ZFYVE9: variants seen among roughly 807,000 people sequenced by gnomAD.
The protein encoded by ZFYVE9 is zinc finger FYVE domain-containing protein 9.
A neutral mutation model predicts 126.7 loss-of-function variants in ZFYVE9; 43 were observed. The ratio of observed to expected loss-of-function variants is 0.34; its 90% confidence interval spans 0.27 to 0.44. ZFYVE9 has a LOEUF of 0.44. Among genes scored for constraint, ZFYVE9 ranks in the 20% least tolerant of loss-of-function variants. The pLI, the probability that ZFYVE9 is intolerant of heterozygous loss-of-function variation, is 1.00. For missense variants in ZFYVE9, 1,476 were observed against 1,697.0 expected, an observed-to-expected ratio of 0.87 and a Z score of 2.29; for synonymous variants, 521 against 597.4, an observed-to-expected ratio of 0.87 and a Z score of 1.87.
chr1:52,289,337 C>G (rs1042281744), intron 10 of ZFYVE9, among the ~76,000 whole-genome samples: 6 of 152,042 alleles, frequency 3.9e-5, no homozygotes, highest in Non-Finnish European at 5.9e-5. Context: ...CAAATAAAAC[C>G]CCAAATTTCA....
At chr1:52,190,868 G>A (rs1421258121) in intron 1 of ZFYVE9, among the ~76,000 whole-genome samples, 1 of 152,188 alleles carries the variant, frequency 6.6e-6, no homozygotes, top group Non-Finnish European at 1.5e-5. Flanking sequence ...ATACAACCAA[G>A]TCTTAAACTA....
At chr1:52,158,395 C>A (rs572218687) in intron 1 of ZFYVE9, among the ~76,000 whole-genome samples, 4 of 152,316 alleles carry the variant, frequency 2.6e-5, no homozygotes, top group African/African-American at 9.6e-5. Context: ...CTGAGGGAGC[C>A]CCTGTGTTGC....
rs551610247 is a variant in ZFYVE9, at chr1:52,180,572, C to T, written c.-142-35797C>T. The T allele has an allele frequency of 9.3e-4, 587 of 628,374 alleles. 2 individuals carry two copies. Among genetic ancestry groups the T allele is most frequent in the Non-Finnish European group, 7.1e-5 (25 of 350,638 alleles). 38.9% of individuals were successfully genotyped at this position (628,374 alleles called of 1,614,324 possible). ...GTGACTGAGGCTGCAGCTGCTATCA[C>T]TTTCTTGTGACAAATTGTCTGGATT... On this transcript the variant is annotated intron_variant, in intron 1 of 18. Coordinates refer to ENST00000287727, the MANE Select transcript of ZFYVE9 (RefSeq NM_004799.4).
intron 17 of ZFYVE9, among the ~76,000 whole-genome samples, chr1:52,342,937 C>T (rs1449501436): frequency 6.7e-6 from 1 of 149,836 alleles, no homozygotes; most frequent in Admixed American, 6.6e-5. Context: ...GACGGAGTCT[C>T]ACTCTGTCAC....
At chr1:52,218,920 G>A (rs914743089) in intron 2 of ZFYVE9, among the ~76,000 whole-genome samples, 1 of 152,086 alleles carries the variant, frequency 6.6e-6, no homozygotes, top group Non-Finnish European at 1.5e-5. Context: ...GTGGGGATAG[G>A]GTCAGTGGAG....
intron 1 of ZFYVE9, among the ~76,000 whole-genome samples, chr1:52,149,235 G>A (rs975855758): frequency 6.6e-6 from 1 of 151,670 alleles, no homozygotes; most frequent in Non-Finnish European, 1.5e-5. Context: ...TCAAACAATG[G>A]TTCCCTGTAG....
intron 4 of ZFYVE9, chr1:52,252,361 TTTG>T (rs982174784): frequency 1.3e-5 from 2 of 155,532 alleles, no homozygotes; most frequent in African/African-American, 4.8e-5. Flanking sequence ...TTTGTTTTGT[TTTG>T]TTTTGTTTTG....
intron 1 of ZFYVE9, among the ~76,000 whole-genome samples, chr1:52,168,024 T>C (rs904854323): frequency 2.0e-5 from 3 of 152,180 alleles, no homozygotes; most frequent in African/African-American, 7.2e-5. Context: ...TTTGTCATTG[T>C]GTAGATCATA....
In ZFYVE9 at chr1:52,170,564, A is replaced by C. The variant is rs146903410; in HGVS notation, c.-143+28161A>C. 3.6e-3 allele frequency among the ~76,000 whole-genome samples: 548 copies of C among 151,892 alleles called. 1 individual carries two copies. The highest frequency in any genetic ancestry group is 6.2e-3 in the Non-Finnish European group (424 of 67,946). ...TTGCTTTTCTAGTTCTTTAAGATGC[A>C]TCATTAGGTTATTTATTTGAAGGTT... On this transcript the variant is annotated intron_variant, in intron 1 of 18. Transcript: ENST00000287727.
chr1:52,254,004 T>C (rs1645478373), intron 4 of ZFYVE9: 2 of 778,878 alleles, frequency 2.6e-6, no homozygotes, highest in African/African-American at 3.4e-5. Context: ...CTGATAATCA[T>C]AGGAAGCCAA....
In ZFYVE9 at chr1:52,239,437, A is replaced by G; in HGVS notation, c.2020A>G (p.Arg674Gly). 1 of 1,613,986 alleles carries G rather than the reference A, an allele frequency of 6.2e-7. No individual in the cohort carries two copies. The highest frequency in any genetic ancestry group is 8.5e-7 in the Non-Finnish European group (1 of 1,179,852). Reference protein sequence around the residue: ...LAPDSPDNDLRAGQFGISARK... With the variant: ...LAPDSPDNDLGAGQFGISARK... The stretch of plus-strand genomic sequence containing the variant: ...TCCAGATAGCCCAGATAATGATCTC[A>G]GAGCTGGTCAGTTTGGAATTTCTGC... Residue 674 changes from arginine to glycine, a missense_variant, in exon 4 of 19, where the codon AGA (arginine) becomes GGA (glycine). Arg to Gly is a moderately radical substitution (Grantham distance 125). This residue lies in a region of ZFYVE9 where 807 missense variants were observed against 794.6 expected (regional missense o/e 1.02). Transcript: ENST00000287727.
chr1:52,175,364 C>T lies in ZFYVE9; in HGVS notation c.-143+32961C>T, dbSNP rs938896739. Among the ~76,000 whole-genome samples, 211 of 151,648 alleles carry T rather than the reference C, an allele frequency of 1.4e-3. 1 individual carries two copies. The highest frequency in any genetic ancestry group is 1.8e-3 in the Non-Finnish European group (124 of 67,930). ...CTCTTCTGGCTCGTAGAGTTTCTGC[C>T]GAGAGATCAGCTGTTAGTCTGATGG... is the stretch of plus-strand genomic sequence containing the variant. On this transcript the variant is annotated intron_variant, in intron 1 of 18. Coordinates refer to ENST00000287727, the MANE Select transcript of ZFYVE9 (RefSeq NM_004799.4).
At chr1:52,204,381 A>G (rs934159143) in intron 1 of ZFYVE9, among the ~76,000 whole-genome samples, 3 of 152,132 alleles carry the variant, frequency 2.0e-5, no homozygotes, top group African/African-American at 4.8e-5. Context: ...ATATAACCCC[A>G]GCAGGTTAGG....
intron 13 of ZFYVE9, among the ~76,000 whole-genome samples, chr1:52,327,437 A>G (rs953857850): frequency 9.9e-5 from 15 of 151,592 alleles, no homozygotes; most frequent in Non-Finnish European, 2.2e-4. Flanking sequence ...CCCCATCTGT[A>G]TTAAAAATAC....
At chr1:52,230,053 A>G (rs192369886) in intron 2 of ZFYVE9, among the ~76,000 whole-genome samples, 47 of 152,182 alleles carry the variant, frequency 3.1e-4, no homozygotes, top group Admixed American at 3.0e-3. Context: ...TATTTTTAGT[A>G]GAGACGGGGT....
At chr1:52,168,604 A>G (rs1269986929) in intron 1 of ZFYVE9, among the ~76,000 whole-genome samples, 1 of 149,548 alleles carries the variant, frequency 6.7e-6, no homozygotes, top group Non-Finnish European at 1.5e-5. Flanking sequence ...TGTGGCCTTG[A>G]CCTCAGGCTC....
chr1:52,325,647 A>T (rs1646283621), intron 13 of ZFYVE9, among the ~76,000 whole-genome samples: 1 of 152,258 alleles, frequency 6.6e-6, no homozygotes, highest in Non-Finnish European at 1.5e-5. Flanking sequence ...TTTTATGACT[A>T]TTACAAGCCA....
intron 13 of ZFYVE9, among the ~76,000 whole-genome samples, chr1:52,319,123 A>G (rs1039688357): frequency 3.3e-5 from 5 of 152,180 alleles, no homozygotes; most frequent in Admixed American, 2.0e-4. Context: ...CATCAAAAAT[A>G]TGACATAATT....
chr1:52,282,260 TAAAAG>T (rs56795628), intron 10 of ZFYVE9, among the ~76,000 whole-genome samples: 5,528 of 152,238 alleles, frequency 0.036, 251 homozygotes, highest in African/African-American at 0.11. Flanking sequence ...TGTAACAACT[TAAAAG>T]TAAAAGCATA....
Sources: gnomAD v4.1 joint callset for allele counts (sites outside exome capture counted in the v4.1 genomes callset) on GRCh38, gnomAD v4.1.1 for gene constraint, gnomAD v4.1.1 regional missense constraint, MANE v1.5 for transcripts, NCBI Gene and HGNC (gene_info 2026-07-23, HGNC 2026-07-21) for gene names.